EPAS1: variants seen among roughly 807,000 people sequenced by gnomAD.
EPAS1 encodes endothelial PAS domain-containing protein 1.
A neutral mutation model predicts 87.9 loss-of-function variants in EPAS1; 23 were observed. That is an observed-to-expected ratio of 0.26 (90% CI 0.19 to 0.37). The LOEUF (loss-of-function observed/expected upper bound fraction) is 0.37. Ranked by LOEUF, EPAS1 falls within the 10% of genes least tolerant of loss-of-function variation. The pLI is 1.00. For synonymous variants in EPAS1, 508 were observed against 444.3 expected, an observed-to-expected ratio of 1.14 and a Z score of -1.80; for missense variants, 1,138 against 1,120.7, an observed-to-expected ratio of 1.02 and a Z score of -0.22.
rs1050805204 is a variant in EPAS1 at position 46,360,410 on chromosome 2, C to A, written c.455-228C>A. ...AAATCAAATGATGGAGCAGCTCCTCCCTTGTGGGAGTTTATGCTCCAGTTG... is the reference window on the plus strand; with the variant it reads ...AAATCAAATGATGGAGCAGCTCCTCACTTGTGGGAGTTTATGCTCCAGTTG... On this transcript the variant is annotated intron_variant, in intron 4 of 15. Transcript: ENST00000263734. The surrounding 1 kb of genome is among the most constrained non-coding windows in gnomAD (Gnocchi z 4.5). Among the ~76,000 whole-genome samples, 2 of 152,206 alleles carry A rather than the reference C, an allele frequency of 1.3e-5. No individual in the cohort carries two copies. Among genetic ancestry groups the A allele is most frequent in the Non-Finnish European group, 2.9e-5 (2 of 68,044 alleles).
intron 2 of EPAS1, among the ~76,000 whole-genome samples, chr2:46,348,990 C>G (rs962338094): frequency 6.6e-6 from 1 of 152,204 alleles, no homozygotes; most frequent in African/African-American, 2.4e-5. Context: ...TAAGATTGCT[C>G]AAAGTCACAC....
At chr2:46,316,260 T>C (rs373030131) in intron 1 of EPAS1, among the ~76,000 whole-genome samples, 2 of 147,294 alleles carry the variant, frequency 1.4e-5, no homozygotes, top group East Asian at 2.0e-4. Flanking sequence ...GTACATACCC[T>C]TTTTTTTTTT....
Position 46,340,760 on chromosome 2 carries a change from C to T in EPAS1, c.27-6113C>T, listed in dbSNP as rs191959740. 2.3e-3 allele frequency among the ~76,000 whole-genome samples: 358 copies of T among 152,346 alleles called. 3 individuals carry two copies. The highest frequency in any genetic ancestry group is 0.017 in the Middle Eastern group (5 of 294). ...TGTTTTGCTTTGAGATGGGTTCTCA[C>T]TCTGTCACCTGAGCTGGAGTGCAGT... On this transcript the variant is annotated intron_variant, in intron 1 of 15. Transcript: ENST00000263734.
intron 7 of EPAS1, among the ~76,000 whole-genome samples, chr2:46,374,421 G>A (rs188767845): frequency 2.0e-4 from 31 of 152,250 alleles, no homozygotes; most frequent in African/African-American, 7.5e-4. Flanking sequence ...AAAATTTGTT[G>A]GTGACAGTTG....
rs542459206 is a variant in EPAS1, at chr2:46,351,614, A to C, written c.218-4537A>C. ...GTGGGTCAGGTGGAGGGGAGGAATC[A>C]GTTTAGGCAGAGCCTTAGAAGGAAG... On this transcript the variant is annotated intron_variant, in intron 2 of 15. Transcript: ENST00000263734. Among the ~76,000 whole-genome samples the C allele has an allele frequency of 9.5e-4, 144 of 152,172 alleles. 1 individual carries two copies. The highest frequency in any genetic ancestry group is 1.2e-3 in the Non-Finnish European group (82 of 68,016).
intron 1 of EPAS1, chr2:46,335,673 G>C (rs761983131): frequency 6.6e-6 from 1 of 152,048 alleles, no homozygotes; most frequent in Non-Finnish European, 1.5e-5. Flanking sequence ...GTGGGAGAGA[G>C]GAGGAACGAC....
chr2:46,317,164 A>G (rs1218297813), intron 1 of EPAS1, among the ~76,000 whole-genome samples: 2 of 152,168 alleles, frequency 1.3e-5, no homozygotes, highest in Non-Finnish European at 2.9e-5. Context: ...TGAGGTTTGG[A>G]ATTAACTTCT....
rs993033257 is a variant in EPAS1, at chr2:46,297,972, C to G, written c.26+35C>G. Reference sequence around the variant, plus strand: ...CGTCCGGGCCGATCAGGGGGCCGGTCCGAGGCCAGGGCCGGGCTGCGCGGG... The same window carrying G: ...CGTCCGGGCCGATCAGGGGGCCGGTGCGAGGCCAGGGCCGGGCTGCGCGGG... On this transcript the variant is annotated intron_variant, in intron 1 of 15. Coordinates refer to ENST00000263734, the MANE Select transcript of EPAS1 (RefSeq NM_001430.5). 4 of 1,609,758 alleles carry G rather than the reference C, an allele frequency of 2.5e-6. No homozygotes were observed. The African/African-American group carries it at 5.3e-5, about 22-fold the overall frequency.
intron 1 of EPAS1, among the ~76,000 whole-genome samples, chr2:46,333,839 C>A (rs1173529919): frequency 6.6e-6 from 1 of 151,856 alleles, no homozygotes; most frequent in Non-Finnish European, 1.5e-5. Context: ...AAATTTTATT[C>A]TTGGTCAGTG....
chr2:46,357,937 T>C (rs1352756345), intron 4 of EPAS1, among the ~76,000 whole-genome samples: 2 of 152,180 alleles, frequency 1.3e-5, no homozygotes, highest in Admixed American at 6.5e-5. Flanking sequence ...TTGGTCAGAA[T>C]TGGGGCTTAA....
intron 1 of EPAS1, among the ~76,000 whole-genome samples, chr2:46,328,236 G>A (rs1315522254): frequency 6.6e-6 from 1 of 152,340 alleles, no homozygotes; most frequent in Non-Finnish European, 1.5e-5. Context: ...CTCCTGGAAG[G>A]AGGGAGAGCT....
chr2:46,378,040 G>A lies in EPAS1; in HGVS notation c.1396G>A (p.Gly466Ser). 1 of 1,606,210 alleles carries A rather than the reference G, an allele frequency of 6.2e-7. No homozygotes were observed. The highest frequency in any genetic ancestry group is 8.5e-7 in the Non-Finnish European group (1 of 1,177,446). ...AFTVPQAAAPGSTTPSATSSS... is the reference protein window; with the variant it reads ...AFTVPQAAAPSSTTPSATSSS... ...CACCGTGCCCCAGGCAGCTGCCCCG[G>A]GCAGCACCACCCCCAGTGCCACCAG... The change falls in exon 10 of 16, where the codon GGC becomes AGC. Residue 466 changes from glycine to serine, a missense_variant. Around this residue, in one of 4 missense-constraint regions of EPAS1, gnomAD observed 284 missense variants for 258.4 expected, o/e 1.10. Transcript: ENST00000263734.
At chr2:46,335,525 G>C (rs1683772710) in intron 1 of EPAS1, among the ~76,000 whole-genome samples, 2 of 151,884 alleles carry the variant, frequency 1.3e-5, no homozygotes, top group South Asian at 4.2e-4. Flanking sequence ...ATGACACAGT[G>C]ATTATTTTTG....
intron 2 of EPAS1, among the ~76,000 whole-genome samples, chr2:46,352,326 G>C (rs1412415369): frequency 6.6e-6 from 1 of 152,236 alleles, no homozygotes; most frequent in Non-Finnish European, 1.5e-5. Context: ...CCGAGGGAAG[G>C]AACTGCCCTT....
At chr2:46,344,865 C>A (rs1683991333) in intron 1 of EPAS1, among the ~76,000 whole-genome samples, 1 of 152,234 alleles carries the variant, frequency 6.6e-6, no homozygotes. Flanking sequence ...GTATATGATG[C>A]TTAATCCATC....
chr2:46,381,589 T>C lies in EPAS1; in HGVS notation c.2046-7T>C. On this transcript the variant is annotated splice_polypyrimidine_tract_variant and splice_region_variant and intron_variant, in intron 12 of 15. Coordinates refer to ENST00000263734, the MANE Select transcript of EPAS1 (RefSeq NM_001430.5). ...TCCCTCATAGCCTGCTCTCTCGGGC[T>C]TGGCAGGTCTGCAAAGGGTTTTGGG... 6.2e-7 allele frequency: 1 copy of C among 1,613,982 alleles called. No individual in the cohort carries two copies. Among genetic ancestry groups the C allele is most frequent in the Non-Finnish European group, 8.5e-7 (1 of 1,180,028 alleles).
chr2:46,326,114 G>A (rs540692409), intron 1 of EPAS1, among the ~76,000 whole-genome samples: 1 of 152,194 alleles, frequency 6.6e-6, no homozygotes, highest in Non-Finnish European at 1.5e-5. Flanking sequence ...CTAGGCATCA[G>A]TTGCCCCTGG....
chr2:46,309,816 A>C (rs1683176602), intron 1 of EPAS1, among the ~76,000 whole-genome samples: 1 of 152,100 alleles, frequency 6.6e-6, no homozygotes, highest in Non-Finnish European at 1.5e-5. Context: ...TTCCTGAGTC[A>C]TGTTGTGATG....
intron 1 of EPAS1, among the ~76,000 whole-genome samples, chr2:46,304,818 C>G (rs1572611846): frequency 6.6e-6 from 1 of 152,140 alleles, no homozygotes; most frequent in East Asian, 1.9e-4. Context: ...TCCTGTGGCT[C>G]TTTTGATCTT....
Sources: gnomAD v4.1 joint callset for allele counts (sites outside exome capture counted in the v4.1 genomes callset) on GRCh38, gnomAD v4.1.1 for gene constraint, gnomAD v4.1.1 regional missense constraint, Gnocchi (gnomAD v3.1) non-coding constraint, MANE v1.5 for transcripts, NCBI Gene and HGNC (gene_info 2026-07-23, HGNC 2026-07-21) for gene names.